CCSER1: variants seen among roughly 807,000 people sequenced by gnomAD.
CCSER1 encodes the protein serine-rich coiled-coil domain-containing protein 1.
In CCSER1, 41 loss-of-function variants were observed where a neutral mutation model predicts 82.0. The ratio of observed to expected loss-of-function variants is 0.50; its 90% CI spans 0.39 to 0.65. The LOEUF (loss-of-function observed/expected upper bound fraction) is 0.65, where lower values mean the gene tolerates loss of function less well. CCSER1 is among the 30% of genes least tolerant of loss of function. The pLI, the probability that CCSER1 is intolerant of heterozygous loss-of-function variation, is 0.00. For synonymous variants in CCSER1, 414 were observed against 383.9 expected (o/e 1.08, Z -0.92); for missense variants, 1,119 against 1,064.2 (o/e 1.05, Z -0.72).
At chr4:91,431,144 G>A (rs561867461) in intron 10 of CCSER1, among the ~76,000 whole-genome samples, 1 of 152,232 alleles carries the variant, frequency 6.6e-6, no homozygotes, top group Non-Finnish European at 1.5e-5. Context: ...GCTGAGGCAG[G>A]AGAATGGCGT....
At chr4:90,897,546 C>T (rs1723899088) in intron 8 of CCSER1, among the ~76,000 whole-genome samples, 1 of 152,000 alleles carries the variant, frequency 6.6e-6, no homozygotes, top group Admixed American at 6.6e-5. Context: ...GTTTGATAAA[C>T]ACTAAGGTTG....
chr4:91,242,610 AAAAACCTTATTCATG>A (rs1272448024), intron 10 of CCSER1, among the ~76,000 whole-genome samples: 1 of 152,204 alleles, frequency 6.6e-6, no homozygotes, highest in Non-Finnish European at 1.5e-5. Flanking sequence ...ATACAATACC[AAAAACCTTATTCATG>A]AAAGAAAAAT....
chr4:90,828,358 C>G (rs2149812149), intron 8 of CCSER1, among the ~76,000 whole-genome samples: 2 of 152,218 alleles, frequency 1.3e-5, no homozygotes, highest in Middle Eastern at 3.4e-3. Flanking sequence ...ATCCATAAGT[C>G]TATTTATATC....
At chr4:90,879,567 AGAGGAAGAAGAAGAAGAGGAG>A (rs1189607194) in intron 8 of CCSER1, among the ~76,000 whole-genome samples, 10 of 90,372 alleles carry the variant, frequency 1.1e-4, no homozygotes, top group African/African-American at 1.6e-4. Context: ...AAGAAGAAGA[AGAGGAAGAAGAAGAAGAGGAG>A]GAGGAGGAGG....
At chr4:90,461,063 T>C (rs1257779326) in intron 4 of CCSER1, among the ~76,000 whole-genome samples, 1 of 99,486 alleles carries the variant, frequency 1.0e-5, no homozygotes, top group Non-Finnish European at 1.9e-5. Flanking sequence ...ATTTTTTTTT[T>C]TTTTTTTTTT....
chr4:91,361,689 A>G (rs1749255820), intron 10 of CCSER1, among the ~76,000 whole-genome samples: 2 of 151,836 alleles, frequency 1.3e-5, no homozygotes, highest in South Asian at 2.1e-4. Context: ...AAATCTATGA[A>G]GACACTAATT....
At chr4:91,024,612 G>A (rs953529411) in intron 9 of CCSER1, among the ~76,000 whole-genome samples, 4 of 151,902 alleles carry the variant, frequency 2.6e-5, no homozygotes, top group African/African-American at 9.6e-5. Context: ...ATTGTTCAGT[G>A]GATTGAGATA....
intron 1 of CCSER1, among the ~76,000 whole-genome samples, chr4:90,293,520 A>G (rs1442117869): frequency 6.6e-6 from 1 of 151,374 alleles, no homozygotes; most frequent in Non-Finnish European, 1.5e-5. Context: ...TCAAAAAGGA[A>G]GATCTCCTGC....
chr4:90,718,243 G>A (rs1439545437), intron 6 of CCSER1, among the ~76,000 whole-genome samples: 1 of 151,968 alleles, frequency 6.6e-6, no homozygotes, highest in African/African-American at 2.4e-5. Flanking sequence ...GATCATTATA[G>A]AATTTACCCT....
chr4:90,829,927 G>C (rs1479705514), intron 8 of CCSER1, among the ~76,000 whole-genome samples: 1 of 152,090 alleles, frequency 6.6e-6, no homozygotes, highest in African/African-American at 2.4e-5. Context: ...TTTTCTAGTA[G>C]CATGTGTTCT....
At chr4:91,192,856 T>C (rs1455895622) in intron 10 of CCSER1, among the ~76,000 whole-genome samples, 3 of 152,150 alleles carry the variant, frequency 2.0e-5, no homozygotes, top group South Asian at 2.1e-4. Context: ...CTCTGCTATA[T>C]TGGTAAAATT....
At chr4:90,646,884 C>T (rs921929653) in intron 6 of CCSER1, among the ~76,000 whole-genome samples, 1 of 152,046 alleles carries the variant, frequency 6.6e-6, no homozygotes, top group Non-Finnish European at 1.5e-5. Flanking sequence ...CTGGGATCCA[C>T]CTAAATCTCG....
At chr4:90,303,266 C>A (rs1036884530) in intron 1 of CCSER1, among the ~76,000 whole-genome samples, 2 of 152,094 alleles carry the variant, frequency 1.3e-5, no homozygotes, top group African/African-American at 4.8e-5. Context: ...AAAATTGCTG[C>A]CAATGACTTT....
At chr4:91,583,135 T>A (rs1349107207) in intron 10 of CCSER1, among the ~76,000 whole-genome samples, 1 of 151,350 alleles carries the variant, frequency 6.6e-6, no homozygotes, top group Admixed American at 6.6e-5. Context: ...AGTGTGGCTA[T>A]GAGAATAAAT....
At chr4:91,100,962 T>C (rs1297642695) in intron 10 of CCSER1, among the ~76,000 whole-genome samples, 1 of 152,280 alleles carries the variant, frequency 6.6e-6, no homozygotes, top group East Asian at 1.9e-4. Flanking sequence ...AGTGTTTGAC[T>C]GGTTATCTGG....
intron 10 of CCSER1, among the ~76,000 whole-genome samples, chr4:91,181,712 C>A (rs1734046816): frequency 6.6e-6 from 1 of 152,168 alleles, no homozygotes; most frequent in Non-Finnish European, 1.5e-5. Context: ...AATTGTTGTG[C>A]AGCACCTCTG....
chr4:91,425,134 T>C (rs1753896601), intron 10 of CCSER1, among the ~76,000 whole-genome samples: 1 of 152,058 alleles, frequency 6.6e-6, no homozygotes, highest in African/African-American at 2.4e-5. Flanking sequence ...TTAGAAACAC[T>C]AAAAGCGACA....
intron 5 of CCSER1, among the ~76,000 whole-genome samples, chr4:90,626,060 A>C (rs1723208733): frequency 3.3e-5 from 5 of 152,212 alleles, no homozygotes; most frequent in Admixed American, 3.3e-4. Context: ...TTATAGAAAT[A>C]TAATTTAAAT....
At chr4:90,737,161 G>A (rs901643646) in intron 7 of CCSER1, among the ~76,000 whole-genome samples, 2 of 152,098 alleles carry the variant, frequency 1.3e-5, no homozygotes, top group Non-Finnish European at 2.9e-5. Flanking sequence ...TAGTTACGGT[G>A]TTATAATATT....
Sources: allele counts gnomAD v4.1 joint callset (sites outside exome capture counted in the v4.1 genomes callset), GRCh38; gene constraint gnomAD v4.1.1; transcripts MANE v1.5; gene names NCBI Gene and HGNC (gene_info 2026-07-23, HGNC 2026-07-21).